ARGLU1: variants seen among roughly 807,000 people sequenced by gnomAD.
The protein encoded by ARGLU1 is arginine and glutamate-rich protein 1.
ARGLU1 carries 9 observed loss-of-function variants against 37.6 expected under a neutral mutation model. The observed-to-expected ratio is 0.24, with a 90% CI of 0.14 to 0.42. The LOEUF is 0.42. ARGLU1 is among the 10% of genes least tolerant of loss of function. The pLI is 1.00. For synonymous variants in ARGLU1, 166 were observed against 138.5 expected (o/e 1.20, Z -1.39); for missense variants, 211 against 359.2 (o/e 0.59, Z 3.34).
chr13:106,555,281 C>T (rs746726423), intron 3 of ARGLU1, among the ~76,000 whole-genome samples: 4 of 152,064 alleles, frequency 2.6e-5, no homozygotes, highest in Non-Finnish European at 5.9e-5. Context: ...AGCCTGAACC[C>T]ACCCAGGAGG....
At chr13:106,548,440 A>G (rs935002335) in intron 3 of ARGLU1, among the ~76,000 whole-genome samples, 1 of 152,074 alleles carries the variant, frequency 6.6e-6, no homozygotes, top group Non-Finnish European at 1.5e-5. Context: ...CAGTATTTGC[A>G]TGGGGGGTTG....
At position 106,567,493 on chromosome 13, in the gene ARGLU1, A is replaced by C; in HGVS notation, c.347+80T>G. The C allele has an allele frequency of 9.6e-7, 1 of 1,036,406 alleles. No individual in the cohort carries two copies. 64.2% of individuals were successfully genotyped at this position (1,036,406 alleles called of 1,614,324 possible). On this transcript the variant is annotated intron_variant, in intron 1 of 3. Transcript: ENST00000400198. This position sits in a 1 kb window ranked among gnomAD's most constrained non-coding sequence, Gnocchi z 4.3. Reference sequence around the variant, plus strand: ...CGTCCCCGCCATTCTCCCGGCCCGCACCGTCCCGCCCCGGCCCCACGCCCT... The same window carrying C: ...CGTCCCCGCCATTCTCCCGGCCCGCCCCGTCCCGCCCCGGCCCCACGCCCT...
chr13:106,544,220 C>T (rs1880334038), intron 3 of ARGLU1, 60 bp from the exon 4 acceptor site: 1 of 1,408,186 alleles, frequency 7.1e-7, no homozygotes, highest in African/African-American at 1.5e-5. Context: ...ATATGTACCC[C>T]TGCAACAGGT....
Position 106,559,118 on chromosome 13 carries a change from C to T in ARGLU1, c.573+314G>A, listed in dbSNP as rs929358866. 3 of 1,280,532 alleles carry T rather than the reference C, an allele frequency of 2.3e-6. No homozygotes were observed. In the African/African-American group the frequency reaches 4.6e-5, roughly 19 times the overall value. The allele number at this position is 1,280,532 out of a possible 1,614,324, so 79.3% of individuals were successfully genotyped here. ...ACCTTTTCCCTTTACCACTCCCTGT[C>T]TCCCCACCGTCCTCCCAAAAAAGAA... On this transcript the variant is annotated intron_variant, in intron 2 of 3. Transcript: ENST00000400198.
At position 106,544,056 on chromosome 13, in the gene ARGLU1, A is replaced by G; in HGVS notation, c.762T>C (p.Ile254=). 6.2e-7 allele frequency: 1 copy of G among 1,605,878 alleles called. No homozygotes were observed. Among genetic ancestry groups the G allele is most frequent in the Non-Finnish European group, 8.5e-7 (1 of 1,177,034 alleles). The change falls in exon 4 of 4, where the codon ATT becomes ATC. Residue 254 remains isoleucine, a synonymous_variant. Coordinates refer to ENST00000400198, the MANE Select transcript of ARGLU1 (RefSeq NM_018011.4). ...GCCTGGACTTCCCCTTGCCCAGGAT[A>G]ATTTTTTGTTCTTCTTTTTGTTGAC... ...RQRQQKEEQK[I]ILGKGKSRPK...
chr13:106,551,549 G>A (rs2138967304), intron 3 of ARGLU1, among the ~76,000 whole-genome samples: 1 of 152,252 alleles, frequency 6.6e-6, no homozygotes, highest in Non-Finnish European at 1.5e-5. Context: ...TCTACCCACT[G>A]TCCAATTCCA....
Position 106,557,167 on chromosome 13 carries a change from A to C in ARGLU1, c.574-36T>G. 1 of 1,527,878 alleles carries C rather than the reference A, an allele frequency of 6.5e-7. No homozygotes were observed. The highest frequency in any genetic ancestry group is 9.0e-7 in the Non-Finnish European group (1 of 1,105,110). 94.6% of individuals were successfully genotyped at this position (1,527,878 alleles called of 1,614,324 possible). A position where few individuals can be genotyped will look rare whatever the true frequency, so the allele number is the denominator to read the frequency against. On this transcript the variant is annotated intron_variant, in intron 2 of 3. Transcript: ENST00000400198. This position sits in a 1 kb window ranked among gnomAD's most constrained non-coding sequence, Gnocchi z 5.0. ...GGATATGTTAAGATATTAGAAAAAC[A>C]AAATGTTTATTTTTATTGATAAATA... is the stretch of plus-strand genomic sequence containing the variant.
At position 106,551,117 on chromosome 13, in the gene ARGLU1, C is replaced by T. The variant is rs73588132; in HGVS notation, c.657+5931G>A. On this transcript the variant is annotated intron_variant, in intron 3 of 3. Transcript: ENST00000400198. ...ACAAACAAAAGGCTGTCTAGCAATA[C>T]CCCTGGCCTTCTTTCCAGAGACAGT... Among the ~76,000 whole-genome samples the T allele has an allele frequency of 6.2e-3, 944 of 152,316 alleles. 12 individuals are homozygous for T. The highest frequency in any genetic ancestry group is 0.022 in the African/African-American group (902 of 41,584).
chr13:106,559,837 A>T (rs1357900408), intron 1 of ARGLU1, among the ~76,000 whole-genome samples, 180 bp from the exon 2 acceptor site: 1 of 152,226 alleles, frequency 6.6e-6, no homozygotes, highest in African/African-American at 2.4e-5. Flanking sequence ...CTGATACAGA[A>T]ATTCAAATGA....
intron 2 of ARGLU1, 27 bp downstream of exon 2, chr13:106,559,405 T>C (rs780505230): frequency 1.2e-6 from 2 of 1,612,906 alleles, no homozygotes; most frequent in East Asian, 4.5e-5. Context: ...ATGGACTGTC[T>C]CTACTTTCCA....
At chr13:106,548,884 G>A (rs1382152019) in intron 3 of ARGLU1, among the ~76,000 whole-genome samples, 1 of 152,170 alleles carries the variant, frequency 6.6e-6, no homozygotes, top group Non-Finnish European at 1.5e-5. Context: ...GAGTAGCTGG[G>A]ACTACAGGTG....
intron 3 of ARGLU1, among the ~76,000 whole-genome samples, chr13:106,546,879 C>T (rs1880403933): frequency 1.3e-5 from 2 of 152,152 alleles, no homozygotes; most frequent in Admixed American, 1.3e-4. Context: ...CAGCACACTG[C>T]TGTGGTTTCA....
At chr13:106,562,835 A>AAAAT (rs1246572825) in intron 1 of ARGLU1, among the ~76,000 whole-genome samples, 2 of 132,966 alleles carry the variant, frequency 1.5e-5, no homozygotes, top group East Asian at 2.0e-4. Context: ...ACTAAAAATA[A>AAAAT]AAATAAATAA....
intron 1 of ARGLU1, among the ~76,000 whole-genome samples, chr13:106,560,728 C>A (rs896154795): frequency 6.6e-6 from 1 of 152,170 alleles, no homozygotes; most frequent in African/African-American, 2.4e-5. Context: ...GAGGCTCTTG[C>A]AGTAAATCTC....
intron 3 of ARGLU1, among the ~76,000 whole-genome samples, chr13:106,554,714 G>A (rs368622207): frequency 2.0e-5 from 3 of 151,526 alleles, no homozygotes; most frequent in South Asian, 4.2e-4. Context: ...CTGAAACCCC[G>A]TCTCTACTAA....
Position 106,557,353 on chromosome 13 carries a change from C to T in ARGLU1, c.574-222G>A, listed in dbSNP as rs912253091. ...CCAAACAGCAACCAACTAAACCCTC[C>T]CTAATGATAGTTTCCTGGCAATTAT... On this transcript the variant is annotated intron_variant, in intron 2 of 3. Coordinates refer to ENST00000400198, the MANE Select transcript of ARGLU1 (RefSeq NM_018011.4). This position sits in a 1 kb window ranked among gnomAD's most constrained non-coding sequence, Gnocchi z 5.0. 9.8e-6 allele frequency: 6 copies of T among 611,838 alleles called. No individual in the cohort carries two copies. Among genetic ancestry groups the T allele is most frequent in the African/African-American group, 1.9e-5 (1 of 53,114 alleles). The allele number at this position is 611,838 out of a possible 1,614,324, so 37.9% of individuals were successfully genotyped here. A position where few individuals can be genotyped will look rare whatever the true frequency, so the allele number is the denominator to read the frequency against.
chr13:106,557,550 A>G lies in ARGLU1; in HGVS notation c.574-419T>C. ...CTCCTTTAATCAGCATTAAAAGTTG[A>G]ATATTTACTGTCTTGTCCAGTGTCC... is the stretch of plus-strand genomic sequence containing the variant. On this transcript the variant is annotated intron_variant, in intron 2 of 3. Transcript: ENST00000400198. The surrounding 1 kb of genome is among the most constrained non-coding windows in gnomAD (Gnocchi z 5.0). The G allele has an allele frequency of 6.3e-7, 1 of 1,599,144 alleles. No homozygotes were observed. The highest frequency in any genetic ancestry group is 8.5e-7 in the Non-Finnish European group (1 of 1,172,712).
At chr13:106,558,185 T>G (rs1185890298) in intron 2 of ARGLU1, 1 of 985,088 alleles carries the variant, frequency 1.0e-6, no homozygotes, top group Middle Eastern at 5.2e-4. Context: ...TTACTATGAT[T>G]AATAACTCGC....
intron 3 of ARGLU1, 36 bp from the exon 4 acceptor site, chr13:106,544,196 T>C (rs776295310): frequency 3.4e-6 from 5 of 1,490,102 alleles, no homozygotes; most frequent in Non-Finnish European, 4.5e-6. Flanking sequence ...TATAGAAATG[T>C]ATTAAAAATT....
Sources: gnomAD v4.1 joint callset for allele counts (sites outside exome capture counted in the v4.1 genomes callset) on GRCh38, gnomAD v4.1.1 for gene constraint, Gnocchi (gnomAD v3.1) non-coding constraint, MANE v1.5 for transcripts, NCBI Gene and HGNC (gene_info 2026-07-23, HGNC 2026-07-21) for gene names.